Variants in FRAS1 observed in about 807,000 individuals in gnomAD.
FRAS1 encodes extracellular matrix organizing protein FRAS1.
Under a neutral mutation model 435.2 loss-of-function variants are expected in FRAS1, and 290 were observed. The ratio of observed to expected loss-of-function variants is 0.67; its 90% CI spans 0.61 to 0.73. The LOEUF is 0.73. Ranked by LOEUF, FRAS1 falls within the 30% of genes least tolerant of loss-of-function variation. The pLI is 0.00. For synonymous variants in FRAS1, 1,800 were observed against 1,851.0 expected (o/e 0.97, Z 0.71); for missense variants, 4,860 against 5,001.5 (o/e 0.97, Z 0.85).
intron 30 of FRAS1, among the ~76,000 whole-genome samples, chr4:78,407,279 A>C (rs1461009352): frequency 6.6e-6 from 1 of 152,230 alleles, no homozygotes; most frequent in Non-Finnish European, 1.5e-5. Flanking sequence ...TCCTGGCTGG[A>C]AAACATTTTC....
chr4:78,143,669 G>C (rs1578150578), intron 2 of FRAS1, among the ~76,000 whole-genome samples: 1 of 151,800 alleles, frequency 6.6e-6, no homozygotes, highest in Non-Finnish European at 1.5e-5. Context: ...GCCAAGGCTG[G>C]CAGATCACTT....
intron 20 of FRAS1, among the ~76,000 whole-genome samples, chr4:78,346,039 T>C (rs1730593984): frequency 6.6e-6 from 1 of 152,218 alleles, no homozygotes; most frequent in Non-Finnish European, 1.5e-5. Flanking sequence ...GGGCTTGAAT[T>C]GCAGAGAAAG....
intron 2 of FRAS1, among the ~76,000 whole-genome samples, chr4:78,067,987 T>A (rs1740136735): frequency 1.3e-5 from 2 of 151,858 alleles, no homozygotes; most frequent in Non-Finnish European, 2.9e-5. Flanking sequence ...CTGCTACATT[T>A]GTTTCTGAAC....
At chr4:78,324,488 G>T (rs1006288587) in intron 18 of FRAS1, among the ~76,000 whole-genome samples, 1 of 151,974 alleles carries the variant, frequency 6.6e-6, no homozygotes, top group East Asian at 1.9e-4. Context: ...ATACATGTGG[G>T]TATATATCCC....
intron 62 of FRAS1, 21 bp downstream of exon 62, chr4:78,507,629 G>T: frequency 6.4e-7 from 1 of 1,569,724 alleles, no homozygotes; most frequent in Non-Finnish European, 8.6e-7. Context: ...TGACCCAAAG[G>T]ATTGCTGTTT....
intron 32 of FRAS1, among the ~76,000 whole-genome samples, chr4:78,418,354 A>G (rs1053721152): frequency 6.6e-6 from 1 of 152,166 alleles, no homozygotes; most frequent in Non-Finnish European, 1.5e-5. Flanking sequence ...AGAAGGCATC[A>G]CAGTTTCCAT....
At chr4:78,168,976 T>C (rs1457346860) in intron 2 of FRAS1, among the ~76,000 whole-genome samples, 1 of 152,152 alleles carries the variant, frequency 6.6e-6, no homozygotes, top group Non-Finnish European at 1.5e-5. Flanking sequence ...GTCAGTTTAC[T>C]GAAGTTGGGA....
chr4:78,523,334 T>A (rs1286706533), intron 69 of FRAS1, among the ~76,000 whole-genome samples: 1 of 152,130 alleles, frequency 6.6e-6, no homozygotes, highest in Non-Finnish European at 1.5e-5. Flanking sequence ...TAAAGAAATT[T>A]CATTTCAATT....
chr4:78,533,344 G>A (rs1472362557), intron 70 of FRAS1, among the ~76,000 whole-genome samples: 1 of 152,168 alleles, frequency 6.6e-6, no homozygotes, highest in Non-Finnish European at 1.5e-5. Flanking sequence ...GAATAAATGA[G>A]CCCTGGGGCA....
Position 78,282,934 on chromosome 4 carries a change from G to A in FRAS1, c.1222G>A (p.Val408Met). ...PCPVGTLALE[V>M]KGQCCPDCTS... Reference sequence around the variant, plus strand: ...TCCAGTGGGCACACTGGCCTTAGAGGTGAAGGGACAGTGCTGTCCAGACTG... The same window carrying A: ...TCCAGTGGGCACACTGGCCTTAGAGATGAAGGGACAGTGCTGTCCAGACTG... The change falls in exon 12 of 74, where the codon GTG becomes ATG. Residue 408 changes from valine to methionine, a missense_variant. Physicochemically the swap from Val to Met is conservative, Grantham distance 21. Coordinates refer to ENST00000512123, the MANE Select transcript of FRAS1 (RefSeq NM_025074.7). 6.2e-7 allele frequency: 1 copy of A among 1,607,268 alleles called. No homozygotes were observed. Among genetic ancestry groups the A allele is most frequent in the Non-Finnish European group, 8.5e-7 (1 of 1,177,242 alleles).
chr4:78,306,984 A>G (rs1465674601), intron 14 of FRAS1, among the ~76,000 whole-genome samples: 2 of 152,012 alleles, frequency 1.3e-5, no homozygotes, highest in East Asian at 3.9e-4. Context: ...TTTTTTCCCC[A>G]TCTTCGTGGT....
At chr4:78,439,156 C>T in intron 40 of FRAS1, 92 bp downstream of exon 40, 2 of 1,062,282 alleles carry the variant, frequency 1.9e-6, no homozygotes, top group Non-Finnish European at 2.7e-6. Context: ...AAATTGGCTG[C>T]CAAATATTTC....
chr4:78,431,467 CACAGTGTTGAG>C (rs1355750148), intron 37 of FRAS1, among the ~76,000 whole-genome samples: 1 of 152,178 alleles, frequency 6.6e-6, no homozygotes, highest in African/African-American at 2.4e-5. Flanking sequence ...AATACATTAA[CACAGTGTTGAG>C]ACAGAAGGCT....
intron 2 of FRAS1, among the ~76,000 whole-genome samples, chr4:78,166,407 T>C (rs532224198): frequency 1.3e-5 from 2 of 152,280 alleles, no homozygotes; most frequent in South Asian, 2.1e-4. Context: ...GTGTCAGTAG[T>C]TAGATCTGGA....
At chr4:78,082,132 T>C (rs982420091) in intron 2 of FRAS1, among the ~76,000 whole-genome samples, 1 of 152,184 alleles carries the variant, frequency 6.6e-6, no homozygotes, top group Non-Finnish European at 1.5e-5. Context: ...GATAGAACTA[T>C]GACGTCCCTC....
chr4:78,281,939 G>A (rs1448399237), intron 11 of FRAS1, among the ~76,000 whole-genome samples: 4 of 152,132 alleles, frequency 2.6e-5, no homozygotes, highest in Non-Finnish European at 4.4e-5. Flanking sequence ...ATCTCAAGAC[G>A]GGTCCGCTTT....
At chr4:78,074,260 A>G (rs992310460) in intron 2 of FRAS1, among the ~76,000 whole-genome samples, 3 of 152,184 alleles carry the variant, frequency 2.0e-5, no homozygotes, top group Admixed American at 2.0e-4. Context: ...AATAGTGAGC[A>G]GGAGGGAATT....
chr4:78,487,903 T>A (rs1720220508), intron 58 of FRAS1, among the ~76,000 whole-genome samples: 1 of 152,186 alleles, frequency 6.6e-6, no homozygotes, highest in Non-Finnish European at 1.5e-5. Flanking sequence ...GAAATTCAGG[T>A]CTGTTTCCTC....
chr4:78,197,029 G>C (rs1373162035), intron 2 of FRAS1, among the ~76,000 whole-genome samples: 1 of 152,144 alleles, frequency 6.6e-6, no homozygotes, highest in Non-Finnish European at 1.5e-5. Flanking sequence ...GAGATTACAG[G>C]GCTATTATGT....
Sources: gnomAD v4.1 joint callset for allele counts (sites outside exome capture counted in the v4.1 genomes callset) on GRCh38, gnomAD v4.1.1 for gene constraint, MANE v1.5 for transcripts, NCBI Gene and HGNC (gene_info 2026-07-23, HGNC 2026-07-21) for gene names.